Variants in MTMR3 observed in about 807,000 individuals in gnomAD.
MTMR3 encodes the protein myotubularin related protein 3, also known as phosphatidylinositol-3,5-bisphosphate 3-phosphatase MTMR3.
Under a neutral mutation model 132.4 loss-of-function variants are expected in MTMR3, and 32 were observed. The observed-to-expected ratio is 0.24, with a 90% confidence interval of 0.18 to 0.32. The LOEUF (loss-of-function observed/expected upper bound fraction) is 0.32. Ranked by LOEUF, MTMR3 falls within the 10% of genes least tolerant of loss-of-function variation. MTMR3 has a pLI of 1.00. For synonymous variants in MTMR3, 556 were observed against 550.3 expected (o/e 1.01, Z -0.14); for missense variants, 1,216 against 1,489.6 (o/e 0.82, Z 3.02).
At chr22:29,981,041 C>G (rs1452775088) in intron 5 of MTMR3, 2 of 152,230 alleles carry the variant, frequency 1.3e-5, no homozygotes, top group African/African-American at 4.8e-5. Flanking sequence ...AAATTCAGTT[C>G]AGGTGATAAC....
At chr22:29,951,548 G>T (rs1406387767) in intron 1 of MTMR3, among the ~76,000 whole-genome samples, 1 of 152,182 alleles carries the variant, frequency 6.6e-6, no homozygotes, top group Non-Finnish European at 1.5e-5. Context: ...AAATGTTAGT[G>T]TGTAATTACT....
intron 5 of MTMR3, chr22:29,986,321 G>C (rs1015055878): frequency 6.6e-6 from 1 of 152,640 alleles, no homozygotes; most frequent in African/African-American, 2.4e-5. Flanking sequence ...CCACATTTTG[G>C]GGGGATATAG....
chr22:30,026,082 C>CCTGG lies in MTMR3; in HGVS notation c.*282_*283insTGGC. On this transcript the variant is annotated 3_prime_UTR_variant, in exon 20 of 20. Transcript: ENST00000401950. ...TTTTTTGATGGAAGACCAAGGGTTG[C>CCTGG]CAGGCCCACTGTAACTGCCGAGCTG... 1 of 335,928 alleles carries CCTGG rather than the reference C, an allele frequency of 3.0e-6. No individual in the cohort carries two copies. The highest frequency in any genetic ancestry group is 5.3e-5 in the South Asian group (1 of 18,876). 20.8% of individuals were successfully genotyped at this position (335,928 alleles called of 1,614,324 possible).
At chr22:29,913,367 G>T (rs993195021) in intron 1 of MTMR3, among the ~76,000 whole-genome samples, 4 of 152,120 alleles carry the variant, frequency 2.6e-5, no homozygotes, top group Non-Finnish European at 4.4e-5. Flanking sequence ...GTTTCCACTG[G>T]TTACTAATTT....
chr22:29,895,253 G>C (rs1042195184), intron 1 of MTMR3, among the ~76,000 whole-genome samples: 1 of 152,106 alleles, frequency 6.6e-6, no homozygotes, highest in African/African-American at 2.4e-5. Context: ...TGTAGGTACT[G>C]TTAGGTGGGT....
At chr22:30,023,959 A>G (rs1267276493) in intron 19 of MTMR3, 3 of 156,060 alleles carry the variant, frequency 1.9e-5, no homozygotes, top group Admixed American at 6.4e-5. Context: ...TCAAGGAAAG[A>G]TTCCACTTAG....
chr22:30,022,315 G>T, intron 18 of MTMR3, 176 bp downstream of exon 18: 1 of 618,152 alleles, frequency 1.6e-6, no homozygotes, highest in East Asian at 2.7e-5. Context: ...TTCTGAGCCA[G>T]GGAGACTCAG....
chr22:29,901,869 A>G (rs1490918198), intron 1 of MTMR3, among the ~76,000 whole-genome samples: 3 of 152,186 alleles, frequency 2.0e-5, no homozygotes, highest in African/African-American at 2.4e-5. Context: ...AGATTCATCC[A>G]TGTTTTTATG....
chr22:30,020,068 G>A lies in MTMR3; in HGVS notation c.2409G>A (p.Glu803=), dbSNP rs181039914. 1.9e-6 allele frequency: 3 copies of A among 1,614,212 alleles called. No homozygotes were observed. The highest frequency in any genetic ancestry group is 2.2e-5 in the East Asian group (1 of 44,878). ...VEQFRIEEIA[E]GREEAVLPIP... ...AGTTTCGAATAGAAGAGATTGCAGA[G>A]GGTAGGGAGGAAGCAGTTCTTCCAA... Residue 803 remains glutamate, a synonymous_variant, in exon 17 of 20, where the codon GAG becomes GAA. Transcript: ENST00000401950.
intron 19 of MTMR3, chr22:30,025,077 A>G (rs41170): frequency 0.72 from 113,497 of 157,504 alleles, 41,948 homozygotes; most frequent in South Asian, 0.87. Flanking sequence ...ATCACAGGCT[A>G]CTTGTCCCTG....
In MTMR3 at chr22:29,889,929, C is replaced by T. The variant is rs189575692; in HGVS notation, c.-138+6570C>T. ...ATTCTTTTTTTTTTTTTTTTTGAGACAGAGTCTCACTTTGTCGCCCAGGCT... is the reference window on the plus strand; with the variant it reads ...ATTCTTTTTTTTTTTTTTTTTGAGATAGAGTCTCACTTTGTCGCCCAGGCT... On this transcript the variant is annotated intron_variant, in intron 1 of 19. Transcript: ENST00000401950. Among the ~76,000 whole-genome samples the T allele has an allele frequency of 5.9e-3, 650 of 110,882 alleles. 6 individuals are homozygous for T. Among genetic ancestry groups the T allele is most frequent in the African/African-American group, 0.022 (614 of 28,024 alleles). 72.7% of individuals were successfully genotyped at this position (110,882 alleles called of 152,430 possible).
At chr22:29,985,668 T>C (rs1237704121) in intron 5 of MTMR3, 1 of 152,262 alleles carries the variant, frequency 6.6e-6, no homozygotes, top group Non-Finnish European at 1.5e-5. Flanking sequence ...TGTGACAGTC[T>C]GCATGAATAT....
chr22:29,917,599 C>T (rs2065333295), intron 1 of MTMR3, among the ~76,000 whole-genome samples: 1 of 152,130 alleles, frequency 6.6e-6, no homozygotes, highest in East Asian at 1.9e-4. Flanking sequence ...TTTTATCTGC[C>T]TTCTAATTTG....
chr22:29,914,720 T>C (rs1371959589), intron 1 of MTMR3, among the ~76,000 whole-genome samples: 1 of 152,234 alleles, frequency 6.6e-6, no homozygotes, highest in Non-Finnish European at 1.5e-5. Context: ...GTTTATAGCT[T>C]TGTTTGACAT....
intron 7 of MTMR3, chr22:29,993,940 G>C (rs111443715): frequency 5.6e-6 from 1 of 177,638 alleles, no homozygotes; most frequent in Non-Finnish European, 1.1e-5. Context: ...ATTTAAATGC[G>C]TATTCTACGA....
chr22:29,971,281 T>A (rs1160313247), intron 3 of MTMR3, among the ~76,000 whole-genome samples: 2 of 152,160 alleles, frequency 1.3e-5, no homozygotes, highest in African/African-American at 4.8e-5. Context: ...ACTTTAATCC[T>A]GTGAGCTAGA....
intron 1 of MTMR3, among the ~76,000 whole-genome samples, chr22:29,948,795 T>A (rs2065999294): frequency 1.1e-5 from 1 of 89,592 alleles, no homozygotes; most frequent in Admixed American, 1.1e-4. Context: ...AACATATTAT[T>A]GTCTAAAAAA....
At position 29,966,832 on chromosome 22, in the gene MTMR3, C is replaced by G. The variant is rs563210718; in HGVS notation, c.-84-4144C>G. On this transcript the variant is annotated intron_variant, in intron 2 of 19. Transcript: ENST00000401950. ...CTTTATGAACTCATATTTAAACATC[C>G]TGAAACCCAATCCATTGCATTTAAC... Among the ~76,000 whole-genome samples the G allele has an allele frequency of 2.6e-5, 4 of 151,136 alleles. No individual in the cohort carries two copies. In the South Asian group the frequency reaches 8.4e-4, roughly 32 times the overall value.
chr22:29,926,358 A>T (rs567185386), intron 1 of MTMR3, among the ~76,000 whole-genome samples: 12 of 152,222 alleles, frequency 7.9e-5, no homozygotes, highest in African/African-American at 1.9e-4. Context: ...TTATGTACAG[A>T]TTTTTGTGGG....
Sources: gnomAD v4.1 joint callset for allele counts (sites outside exome capture counted in the v4.1 genomes callset) on GRCh38, gnomAD v4.1.1 for gene constraint, MANE v1.5 for transcripts, NCBI Gene and HGNC (gene_info 2026-07-23, HGNC 2026-07-21) for gene names.